The following SCARA3 variants were observed in gnomAD, a reference collection of about 807,000 sequenced individuals.
SCARA3 encodes the protein scavenger receptor class A member 3, also known as cellular stress response gene protein.
In SCARA3, 39 loss-of-function variants were observed where a neutral mutation model predicts 47.0. The observed-to-expected ratio is 0.83, with a 90% confidence interval of 0.64 to 1.08. SCARA3 has a LOEUF of 1.08. Among genes scored for constraint, SCARA3 ranks in the 50% least tolerant of loss-of-function variants. The pLI, the probability that SCARA3 is intolerant of heterozygous loss-of-function variation, is 0.00. For synonymous variants in SCARA3, 356 were observed against 334.1 expected, an observed-to-expected ratio of 1.07 and a Z score of -0.71; for missense variants, 724 against 792.3, an observed-to-expected ratio of 0.91 and a Z score of 1.04.
chr8:27,726,894 T>G, the SCARA3 span, among the ~76,000 whole-genome samples: 1 of 151,926 alleles, frequency 6.6e-6, no homozygotes, highest in Non-Finnish European at 1.5e-5. Context: ...CAAGCAATTC[T>G]CCTGCCTCAG....
intron 5 of SCARA3, among the ~76,000 whole-genome samples, chr8:27,662,430 A>G (rs1415330774): frequency 6.6e-6 from 1 of 152,218 alleles, no homozygotes. Context: ...AGTGAATTCC[A>G]TGCCACATTG....
Position 27,649,736 on chromosome 8 carries a change from C to T in SCARA3, c.42C>T (p.Cys14=), listed in dbSNP as rs755399467. 1.1e-5 allele frequency: 18 copies of T among 1,614,098 alleles called. No homozygotes were observed. The highest frequency in any genetic ancestry group is 8.8e-5 in the South Asian group (8 of 91,076). Residue 14 remains cysteine, a synonymous_variant, in exon 2 of 6, where the codon TGC becomes TGT. Transcript: ENST00000301904. ...CCGGCGGCGATGGAGATGCCTTGTG[C>T]GTTACAGAAGAGGACCTGGCGGGTG... ...RSAGGDGDAL[C]VTEEDLAGDD...
Position 27,641,487 on chromosome 8 carries a change from T to A in SCARA3, c.7+7280T>A, listed in dbSNP as rs183882364. The stretch of plus-strand genomic sequence containing the variant: ...ATGGCAGGACTTGGCTGAAGCCAAA[T>A]GCATGCCCCCCTCTGACACTCTCCT... On this transcript the variant is annotated intron_variant, in intron 1 of 5. Transcript: ENST00000301904. Among the ~76,000 whole-genome samples, 25 of 152,314 alleles carry A rather than the reference T, an allele frequency of 1.6e-4. No individual in the cohort carries two copies. The East Asian group carries it at 3.7e-3, about 22-fold the overall frequency.
chr8:27,681,795 T>A, the SCARA3 span, among the ~76,000 whole-genome samples: 2 of 152,188 alleles, frequency 1.3e-5, no homozygotes, highest in African/African-American at 4.8e-5. Flanking sequence ...AAAGCCAGAC[T>A]AAATGGCGAT....
At chr8:27,666,271 C>G (rs1369323405) in intron 5 of SCARA3, among the ~76,000 whole-genome samples, 1 of 152,204 alleles carries the variant, frequency 6.6e-6, no homozygotes, top group East Asian at 1.9e-4. Flanking sequence ...AAACCAATAA[C>G]AAATCCACAA....
the SCARA3 span, among the ~76,000 whole-genome samples, chr8:27,689,996 G>A: frequency 2.0e-5 from 3 of 151,958 alleles, no homozygotes; most frequent in East Asian, 1.9e-4. Flanking sequence ...TTTTTTAAAC[G>A]ACTTACTTCT....
rs781605345 is a variant in SCARA3 at position 27,658,806 on chromosome 8, G to A, written c.636G>A (p.Glu212=). Residue 212 remains glutamate, a synonymous_variant, in exon 5 of 6, where the codon GAG becomes GAA. Transcript: ENST00000301904. ...LDLSLKDLTQ[E]CYDVKAAVHQ... is the part of the protein sequence containing the mutation. ...TCTCTCTGAAGGACCTCACCCAGGAGTGCTACGATGTCAAGGCTGCAGTGC... is the reference window on the plus strand; with the variant it reads ...TCTCTCTGAAGGACCTCACCCAGGAATGCTACGATGTCAAGGCTGCAGTGC... 16 of 1,614,006 alleles carry A rather than the reference G, an allele frequency of 9.9e-6. No individual in the cohort carries two copies. Among genetic ancestry groups the A allele is most frequent in the Non-Finnish European group, 1.4e-5 (16 of 1,180,012 alleles).
At chr8:27,699,229 G>T in the SCARA3 span, among the ~76,000 whole-genome samples, 6 of 148,190 alleles carry the variant, frequency 4.0e-5, no homozygotes. Flanking sequence ...GGGTGACAGA[G>T]CAAGACTCCG....
chr8:27,688,969 G>A, the SCARA3 span, among the ~76,000 whole-genome samples: 1 of 152,154 alleles, frequency 6.6e-6, no homozygotes, highest in Non-Finnish European at 1.5e-5. Context: ...ATATTTCACA[G>A]TGTTTTATAA....
At chr8:27,711,875 T>C in the SCARA3 span, among the ~76,000 whole-genome samples, 1 of 152,170 alleles carries the variant, frequency 6.6e-6, no homozygotes, top group Non-Finnish European at 1.5e-5. Flanking sequence ...ACCACAGTGG[T>C]GTGTTTGTTA....
At chr8:27,702,826 G>A in the SCARA3 span, 1 of 152,262 alleles carries the variant, frequency 6.6e-6, no homozygotes, top group African/African-American at 2.4e-5. Flanking sequence ...CCTCTTTTTG[G>A]GGAGGAAAGG....
intron 5 of SCARA3, among the ~76,000 whole-genome samples, chr8:27,660,618 T>TGATAGATAGATAGATAGATAGATA (rs10674215): frequency 1.1e-4 from 14 of 130,882 alleles, no homozygotes; most frequent in Non-Finnish European, 1.8e-4. Flanking sequence ...TAGAGATAGA[T>TGATAGATAGATAGATAGATAGATA]GATAGATAGA....
chr8:27,688,536 C>T, the SCARA3 span, among the ~76,000 whole-genome samples: 1 of 151,722 alleles, frequency 6.6e-6, no homozygotes, highest in African/African-American at 2.4e-5. Context: ...TCTCTACAAA[C>T]AATAAAAAAG....
the SCARA3 span, among the ~76,000 whole-genome samples, chr8:27,699,868 C>T: frequency 9.9e-5 from 15 of 152,108 alleles, no homozygotes; most frequent in African/African-American, 3.6e-4. Context: ...ACATATAGAT[C>T]AATTGAACCA....
intron 1 of SCARA3, among the ~76,000 whole-genome samples, chr8:27,638,604 C>T (rs186259915): frequency 2.6e-5 from 4 of 152,244 alleles, no homozygotes; most frequent in Admixed American, 1.3e-4. Context: ...GCAGGCATTC[C>T]GTAAACATGC....
At chr8:27,718,816 AATGT>A in the SCARA3 span, among the ~76,000 whole-genome samples, 2 of 152,242 alleles carry the variant, frequency 1.3e-5, no homozygotes. Flanking sequence ...TCTTGAAGGT[AATGT>A]ATGTGTCTGT....
intron 1 of SCARA3, among the ~76,000 whole-genome samples, chr8:27,647,851 C>T (rs2640730): frequency 0.18 from 27,945 of 152,148 alleles, 3,140 homozygotes; most frequent in Middle Eastern, 0.33. Flanking sequence ...TGAGTCCATT[C>T]AGAGCTGCCT....
At chr8:27,679,889 C>T (rs1802332687), downstream of SCARA3, 1 of 152,040 alleles carries the variant, frequency 6.6e-6, no homozygotes, top group Non-Finnish European at 1.5e-5. Context: ...TTAGCCTGAC[C>T]CTTGTACAAG....
chr8:27,709,284 G>T, the SCARA3 span, among the ~76,000 whole-genome samples: 2 of 152,174 alleles, frequency 1.3e-5, no homozygotes, highest in Non-Finnish European at 2.9e-5. Flanking sequence ...ATTTTTACAA[G>T]AAAAGATTTC....
Sources: gnomAD v4.1 joint callset for allele counts (sites outside exome capture counted in the v4.1 genomes callset) on GRCh38, gnomAD v4.1.1 for gene constraint, MANE v1.5 for transcripts, NCBI Gene and HGNC (gene_info 2026-07-23, HGNC 2026-07-21) for gene names.